Variants in SEMA3D observed in about 807,000 individuals in gnomAD.
SEMA3D encodes the protein semaphorin-3D.
Under a neutral mutation model 100.1 loss-of-function variants are expected in SEMA3D, and 84 were observed. The ratio of observed to expected loss-of-function variants is 0.84; its 90% CI spans 0.70 to 1.01. The LOEUF (loss-of-function observed/expected upper bound fraction) is 1.01. Among genes scored for constraint, SEMA3D ranks in the 50% least tolerant of loss-of-function variants. The pLI, the probability that SEMA3D is intolerant of heterozygous loss-of-function variation, is 0.00. For missense variants in SEMA3D, 875 were observed against 934.1 expected, an observed-to-expected ratio of 0.94 and a Z score of 0.82; for synonymous variants, 312 against 320.7, an observed-to-expected ratio of 0.97 and a Z score of 0.29.
chr7:85,235,534 T>C, the SEMA3D span, among the ~76,000 whole-genome samples: 1 of 152,304 alleles, frequency 6.6e-6, no homozygotes, highest in South Asian at 2.1e-4. Context: ...TAAAGGAGGA[T>C]CTCTGTTCAA....
chr7:85,243,980 T>C, the SEMA3D span, among the ~76,000 whole-genome samples: 1 of 152,222 alleles, frequency 6.6e-6, no homozygotes, highest in Non-Finnish European at 1.5e-5. Flanking sequence ...AGTTACAGTA[T>C]ATATCTTGTT....
At chr7:85,059,228 C>A (rs144407692) in intron 8 of SEMA3D, among the ~76,000 whole-genome samples, 1 of 152,044 alleles carries the variant, frequency 6.6e-6, no homozygotes, top group African/African-American at 2.4e-5. Context: ...TAAATAAAAC[C>A]CTATCTATAT....
chr7:85,137,952 C>G (rs576749858), intron 2 of SEMA3D, among the ~76,000 whole-genome samples: 3 of 152,152 alleles, frequency 2.0e-5, no homozygotes, highest in Non-Finnish European at 4.4e-5. Flanking sequence ...AGGGTAACTA[C>G]AGCAGATTTT....
chr7:85,058,564 G>A (rs1014870873), intron 8 of SEMA3D, among the ~76,000 whole-genome samples: 21 of 151,972 alleles, frequency 1.4e-4, no homozygotes, highest in African/African-American at 5.1e-4. Context: ...TGGCTAACAC[G>A]GTGAAAGCCC....
intron 3 of SEMA3D, among the ~76,000 whole-genome samples, chr7:85,106,503 ATTATT>A (rs1460065986): frequency 2.0e-5 from 3 of 152,150 alleles, no homozygotes; most frequent in Admixed American, 6.6e-5. Flanking sequence ...AACAGATAAC[ATTATT>A]TTATAACAAT....
chr7:85,141,904 CTCAG>C (rs1447031943), intron 2 of SEMA3D: 1 of 975,190 alleles, frequency 1.0e-6, no homozygotes, highest in Non-Finnish European at 1.2e-6. Context: ...ATTTAGATTT[CTCAG>C]TATTAATTTA....
Position 85,006,961 on chromosome 7 carries a change from T to G in SEMA3D, c.1769-20A>C. On this transcript the variant is annotated intron_variant, in intron 17 of 18. Transcript: ENST00000284136. ...TAATGCCTGGAAAGCAAACATGGAA[T>G]AAGAGATTAACCTTGACCTGATTTT... The G allele has an allele frequency of 6.2e-6, 10 of 1,604,062 alleles. No homozygotes were observed. Among genetic ancestry groups the G allele is most frequent in the African/African-American group, 1.3e-5 (1 of 74,678 alleles).
the SEMA3D span, among the ~76,000 whole-genome samples, chr7:85,250,149 G>A: frequency 6.6e-6 from 1 of 152,040 alleles, no homozygotes; most frequent in African/African-American, 2.4e-5. Flanking sequence ...CGAATACTGC[G>A]CTTTTCCGAC....
the SEMA3D span, among the ~76,000 whole-genome samples, chr7:85,241,584 A>G: frequency 6.6e-6 from 1 of 150,394 alleles, no homozygotes; most frequent in Non-Finnish European, 1.5e-5. Flanking sequence ...GAAACTCAGG[A>G]ATGGAGAATC....
At chr7:85,030,043 T>C (rs1026859708) in intron 12 of SEMA3D, among the ~76,000 whole-genome samples, 1 of 151,980 alleles carries the variant, frequency 6.6e-6, no homozygotes, top group African/African-American at 2.4e-5. Context: ...TGTTGGACAG[T>C]GGAAGAGGCA....
intron 2 of SEMA3D, among the ~76,000 whole-genome samples, chr7:85,124,411 CTT>C (rs1048625948): frequency 1.3e-4 from 20 of 151,766 alleles, no homozygotes; most frequent in African/African-American, 4.8e-4. Context: ...CATATATTCA[CTT>C]ATATATATTC....
rs772809579 is a variant in SEMA3D at position 85,042,302 on chromosome 7, A to T, written c.862-17T>A. 3.9e-6 allele frequency: 6 copies of T among 1,522,348 alleles called. No homozygotes were observed. In the East Asian group the frequency reaches 9.0e-5, roughly 23 times the overall value. 94.3% of individuals were successfully genotyped at this position (1,522,348 alleles called of 1,614,324 possible). ...TACATCATTCTGACATGAAAAAAAAAATAAAGATAAATATTTATCAACACA... is the reference window on the plus strand; with the variant it reads ...TACATCATTCTGACATGAAAAAAAATATAAAGATAAATATTTATCAACACA... On this transcript the variant is annotated splice_polypyrimidine_tract_variant and intron_variant, in intron 9 of 18. Coordinates refer to ENST00000284136, the MANE Select transcript of SEMA3D (RefSeq NM_001384900.1).
At chr7:85,024,100 G>C (rs1363430980) in intron 12 of SEMA3D, among the ~76,000 whole-genome samples, 3 of 151,874 alleles carry the variant, frequency 2.0e-5, no homozygotes, top group Non-Finnish European at 4.4e-5. Flanking sequence ...CAGCCAAGCG[G>C]AATCCGTCAA....
Position 85,185,325 on chromosome 7 carries a change from C to T in SEMA3D, c.-173+1353G>A, listed in dbSNP as rs151206337. 1.8e-3 allele frequency among the ~76,000 whole-genome samples: 278 copies of T among 152,078 alleles called. 1 individual carries two copies. The highest frequency in any genetic ancestry group is 6.6e-3 in the African/African-American group (273 of 41,500). On this transcript the variant is annotated intron_variant, in intron 1 of 18. Transcript: ENST00000284136. ...CTTCCCTCTCTGTTAGGAGATCCTCCCCCTCGTCTCTGCGCGCCCCCACCC... is the reference window on the plus strand; with the variant it reads ...CTTCCCTCTCTGTTAGGAGATCCTCTCCCTCGTCTCTGCGCGCCCCCACCC...
chr7:85,133,573 T>G (rs757121994), intron 2 of SEMA3D, among the ~76,000 whole-genome samples: 3 of 152,000 alleles, frequency 2.0e-5, no homozygotes, highest in Non-Finnish European at 4.4e-5. Context: ...AACTTATTTG[T>G]TTTTACCATG....
Position 85,036,409 on chromosome 7 carries a change from G to A in SEMA3D, c.1191+480C>T, listed in dbSNP as rs73713929. The stretch of plus-strand genomic sequence containing the variant: ...TTCCTTTCCCATTTAAAAAGTGCAT[G>A]TTATTCTAAGGTACAATTAAGTGAA... On this transcript the variant is annotated intron_variant, in intron 12 of 18. Coordinates refer to ENST00000284136, the MANE Select transcript of SEMA3D (RefSeq NM_001384900.1). Among the ~76,000 whole-genome samples, 342 of 152,176 alleles carry A rather than the reference G, an allele frequency of 2.2e-3. 1 individual carries two copies. The highest frequency in any genetic ancestry group is 7.6e-3 in the African/African-American group (317 of 41,520).
the SEMA3D span, among the ~76,000 whole-genome samples, chr7:85,211,894 A>G: frequency 2.0e-5 from 3 of 152,254 alleles, no homozygotes; most frequent in African/African-American, 7.2e-5. Flanking sequence ...ATAGTATATA[A>G]TACATAAAAC....
At chr7:85,229,411 A>T in the SEMA3D span, among the ~76,000 whole-genome samples, 114 of 152,188 alleles carry the variant, frequency 7.5e-4, no homozygotes, top group African/African-American at 2.6e-3. Context: ...AAATTATTTT[A>T]AAAATTCTAC....
intron 3 of SEMA3D, among the ~76,000 whole-genome samples, chr7:85,116,263 G>A (rs1301485194): frequency 7.0e-6 from 1 of 143,780 alleles, no homozygotes; most frequent in Non-Finnish European, 1.5e-5. Context: ...ATATATAATT[G>A]CATATGTATA....
Sources: allele counts gnomAD v4.1 joint callset (sites outside exome capture counted in the v4.1 genomes callset), GRCh38; gene constraint gnomAD v4.1.1; transcripts MANE v1.5; gene names NCBI Gene and HGNC (gene_info 2026-07-23, HGNC 2026-07-21).